The following SBK1 variants were observed in gnomAD, a reference collection of about 807,000 sequenced individuals.
The protein encoded by SBK1 is SH3 domain binding kinase 1, also known as serine/threonine-protein kinase SBK1.
In SBK1, 11 loss-of-function variants were observed where a neutral mutation model predicts 24.4. The ratio of observed to expected loss-of-function variants is 0.45; its 90% CI spans 0.28 to 0.75. SBK1 has a LOEUF of 0.75. Ranked by LOEUF, SBK1 falls within the 30% of genes least tolerant of loss-of-function variation. SBK1 has a pLI of 0.12. For missense variants in SBK1, 467 were observed against 620.5 expected (o/e 0.75, Z 2.63); for synonymous variants, 308 against 284.4 (o/e 1.08, Z -0.83).
intron 1 of SBK1, among the ~76,000 whole-genome samples, chr16:28,304,659 G>A (rs890830131): frequency 6.6e-6 from 1 of 152,088 alleles, no homozygotes; most frequent in Non-Finnish European, 1.5e-5. Context: ...CCAGGCTGGA[G>A]TGCAGTGGCA....
Position 28,319,548 on chromosome 16 carries a change from G to C in SBK1, c.429+351G>C, listed in dbSNP as rs892508541. Among the ~76,000 whole-genome samples the C allele has an allele frequency of 2.0e-5, 3 of 152,166 alleles. No individual in the cohort carries two copies. The highest frequency in any genetic ancestry group is 4.4e-5 in the Non-Finnish European group (3 of 68,024). On this transcript the variant is annotated intron_variant, in intron 3 of 3. Coordinates refer to ENST00000341901, the MANE Select transcript of SBK1 (RefSeq NM_001024401.3). The surrounding 1 kb of genome is among the most constrained non-coding windows in gnomAD (Gnocchi z 4.0). The stretch of plus-strand genomic sequence containing the variant: ...TCAGAGGAAGCGACCCTGGAACCGG[G>C]ACGGTGGGGGAGGGTTCCAGGCACT...
chr16:28,298,011 C>T (rs1203193629), intron 1 of SBK1, among the ~76,000 whole-genome samples: 1 of 152,192 alleles, frequency 6.6e-6, no homozygotes, highest in African/African-American at 2.4e-5. Flanking sequence ...ATGCTTTCCA[C>T]GTGAGGCGCC....
At chr16:28,273,893 T>C (rs1280681825) in intron 1 of SBK1, among the ~76,000 whole-genome samples, 2 of 152,196 alleles carry the variant, frequency 1.3e-5, no homozygotes, top group Non-Finnish European at 2.9e-5. Context: ...AGTGATAAAA[T>C]GAGCCATCAA....
intron 1 of SBK1, among the ~76,000 whole-genome samples, chr16:28,304,214 T>C (rs908112802): frequency 6.6e-6 from 1 of 152,190 alleles, no homozygotes; most frequent in African/African-American, 2.4e-5. Flanking sequence ...CATATATGCC[T>C]TTCCAGCGCT....
chr16:28,300,454 G>A (rs1356948082), intron 1 of SBK1, among the ~76,000 whole-genome samples: 1 of 151,984 alleles, frequency 6.6e-6, no homozygotes, highest in Admixed American at 6.6e-5. Flanking sequence ...CGACTAGCTA[G>A]GACCACAGGC....
At chr16:28,288,895 G>T (rs1160224971), upstream of SBK1, among the ~76,000 whole-genome samples, 2 of 152,180 alleles carry the variant, frequency 1.3e-5, no homozygotes, top group Non-Finnish European at 2.9e-5. Context: ...CCTCTTTGGG[G>T]ACCAGGACTT....
At chr16:28,309,102 G>A (rs1211575923) in intron 1 of SBK1, among the ~76,000 whole-genome samples, 1 of 152,176 alleles carries the variant, frequency 6.6e-6, no homozygotes, top group Non-Finnish European at 1.5e-5. Context: ...CTCCACAGCA[G>A]GAGGCTTTCC....
chr16:28,280,315 T>C (rs4788057), intron 1 of SBK1, among the ~76,000 whole-genome samples: 2 of 138,150 alleles, frequency 1.4e-5, no homozygotes, highest in African/African-American at 5.2e-5. Context: ...ATGTATATAA[T>C]ATATATATAC....
intron 1 of SBK1, among the ~76,000 whole-genome samples, chr16:28,278,508 AT>A (rs1432868020): frequency 1.3e-5 from 2 of 152,084 alleles, no homozygotes; most frequent in African/African-American, 4.8e-5. Context: ...CGCCTGAGAA[AT>A]TTTTAATTAT....
chr16:28,307,705 A>T (rs1273287312), intron 1 of SBK1, among the ~76,000 whole-genome samples: 1 of 149,142 alleles, frequency 6.7e-6, no homozygotes, highest in South Asian at 2.1e-4. Flanking sequence ...ATGCCACTGC[A>T]CTCCAGCCTG....
intron 2 of SBK1, among the ~76,000 whole-genome samples, chr16:28,318,182 C>G (rs554257583): frequency 6.6e-6 from 1 of 152,270 alleles, no homozygotes; most frequent in Admixed American, 6.5e-5. Flanking sequence ...ATCTCCAGAG[C>G]CTTGTCGCTT....
rs1463613072 is a variant in SBK1 at position 28,323,669 on chromosome 16, G to C, written c.*2748G>C. ...GCGTCCATGCTTGGCTCAGGGCCTG[G>C]GGCGGGGTCCTGGGTAGAGTCCTAG... is the stretch of plus-strand genomic sequence containing the variant. On this transcript the variant is annotated 3_prime_UTR_variant, in exon 4 of 4. Transcript: ENST00000341901. 1.3e-5 allele frequency: 2 copies of C among 152,790 alleles called. No homozygotes were observed. The highest frequency in any genetic ancestry group is 4.8e-5 in the African/African-American group (2 of 41,440). The allele number at this position is 152,790 out of a possible 1,614,324, so 9.5% of individuals were successfully genotyped here. A position where few individuals can be genotyped will look rare whatever the true frequency, so the allele number is the denominator to read the frequency against.
intron 1 of SBK1, among the ~76,000 whole-genome samples, chr16:28,274,889 G>A (rs917943168): frequency 3.3e-5 from 5 of 152,112 alleles, no homozygotes; most frequent in African/African-American, 9.7e-5. Flanking sequence ...GACATAAGGA[G>A]CTAAATCCTC....
At chr16:28,282,877 A>C (rs1304441816) in intron 1 of SBK1, among the ~76,000 whole-genome samples, 3 of 152,180 alleles carry the variant, frequency 2.0e-5, no homozygotes, top group Non-Finnish European at 2.9e-5. Context: ...TGTATGGGAC[A>C]GAGGAGACGG....
In SBK1 at chr16:28,320,681, C is replaced by T. The variant is rs945249898; in HGVS notation, c.1035C>T (p.Leu345=). The T allele has an allele frequency of 3.7e-6, 4 of 1,078,344 alleles. No homozygotes were observed. In the African/African-American group the frequency reaches 5.1e-5, roughly 14 times the overall value. 66.8% of individuals were successfully genotyped at this position (1,078,344 alleles called of 1,614,324 possible). The part of the protein sequence containing the change: ...DRPPAAGPLR[L]EAPGPLKRTV... ...CGCCCGCCGCCGGGCCACTGCGCCT[C>T]GAGGCGCCTGGGCCGCTCAAGCGGA... Residue 345 remains leucine, a synonymous_variant, in exon 4 of 4, where the codon CTC becomes CTT. Transcript: ENST00000341901. This position sits in a 1 kb window ranked among gnomAD's most constrained non-coding sequence, Gnocchi z 8.5.
chr16:28,286,380 TAAA>T (rs912715269), intron 1 of SBK1: 1 of 151,586 alleles, frequency 6.6e-6, no homozygotes, highest in Non-Finnish European at 1.5e-5. Context: ...TCTGAAAAAA[TAAA>T]AAAATCACAG....
rs990529356 is a variant in SBK1, at chr16:28,270,686, G to T, written c.257+11184G>T. ...GATCCTCCCATTTCAGCCTCCCAAA[G>T]TGCTGGGATTACAGGCATGAGCCAC... On this transcript the variant is annotated intron_variant, in intron 1 of 3. Coordinates refer to the SBK1 transcript ENST00000671413. Among the ~76,000 whole-genome samples, 3 of 151,858 alleles carry T rather than the reference G, an allele frequency of 2.0e-5. No individual in the cohort carries two copies. In the South Asian group the frequency reaches 6.2e-4, roughly 32 times the overall value.
intron 1 of SBK1, among the ~76,000 whole-genome samples, chr16:28,280,131 A>ATATATATATG (rs1555536516): frequency 1.6e-5 from 1 of 61,910 alleles, no homozygotes; most frequent in East Asian, 3.2e-4. Context: ...ATATATATAT[A>ATATATATATG]TATATATATA....
Position 28,266,281 on chromosome 16 carries a change from C to T in SBK1, c.257+6779C>T, listed in dbSNP as rs779547368. ...CCTGGAGAGGCTGAGGTGGGAGGAT[C>T]GCTTGAGCCCAGGAGTTCAAGGCTG... On this transcript the variant is annotated intron_variant, in intron 1 of 3. Coordinates refer to the SBK1 transcript ENST00000671413. 5.3e-5 allele frequency among the ~76,000 whole-genome samples: 8 copies of T among 151,820 alleles called. No individual in the cohort carries two copies. The East Asian group carries it at 9.7e-4, about 18-fold the overall frequency.
Sources: gnomAD v4.1 joint callset for allele counts (sites outside exome capture counted in the v4.1 genomes callset) on GRCh38, gnomAD v4.1.1 for gene constraint, Gnocchi (gnomAD v3.1) non-coding constraint, MANE v1.5 for transcripts, NCBI Gene and HGNC (gene_info 2026-07-23, HGNC 2026-07-21) for gene names.